Variants in CDH18 observed in about 807,000 individuals in gnomAD.
The protein encoded by CDH18 is cadherin 18, also known as cadherin-18.
In CDH18, 31 loss-of-function variants were observed where a neutral mutation model predicts 67.9. The observed-to-expected ratio is 0.46, with a 90% CI of 0.34 to 0.62. The LOEUF (loss-of-function observed/expected upper bound fraction) is 0.62. CDH18 is among the 20% of genes least tolerant of loss of function. CDH18 has a pLI of 0.01. For synonymous variants in CDH18, 362 were observed against 347.2 expected (o/e 1.04, Z -0.48); for missense variants, 890 against 975.5 (o/e 0.91, Z 1.17).
chr5:20,419,462 G>GT lies in CDH18; in HGVS notation c.-580+155999dup, dbSNP rs202130030. On this transcript the variant is annotated intron_variant, in intron 1 of 14. Coordinates refer to the CDH18 transcript ENST00000507958. ...CCAACCACCCAGGGTATGGGACTCT[G>GT]TTTTTTTTTTTTTTTTTTTTTTTTT... is the stretch of plus-strand genomic sequence containing the variant. Among the ~76,000 whole-genome samples the GT allele has an allele frequency of 4.5e-3, 342 of 75,600 alleles. 60 individuals carry two copies. Among genetic ancestry groups the GT allele is most frequent in the East Asian group, 0.022 (68 of 3,046 alleles). 49.6% of individuals were successfully genotyped at this position (75,600 alleles called of 152,430 possible). A position where few individuals can be genotyped will look rare whatever the true frequency, so the allele number is the denominator to read the frequency against.
At chr5:19,578,446 A>C (rs1312514062) in intron 7 of CDH18, among the ~76,000 whole-genome samples, 1 of 151,706 alleles carries the variant, frequency 6.6e-6, no homozygotes, top group Non-Finnish European at 1.5e-5. Context: ...CTTCATATTA[A>C]ATTTATTTGT....
chr5:19,588,866 G>A (rs1300959734), intron 7 of CDH18, among the ~76,000 whole-genome samples: 1 of 151,958 alleles, frequency 6.6e-6, no homozygotes, highest in Non-Finnish European at 1.5e-5. Flanking sequence ...AATGTATATG[G>A]ACTCAATACA....
chr5:20,428,410 T>C (rs1748482491), intron 1 of CDH18, among the ~76,000 whole-genome samples: 1 of 152,220 alleles, frequency 6.6e-6, no homozygotes, highest in Non-Finnish European at 1.5e-5. Context: ...AACATATATG[T>C]GCATAGGTCT....
At chr5:20,516,220 T>C (rs2126503341) in intron 1 of CDH18, among the ~76,000 whole-genome samples, 1 of 152,142 alleles carries the variant, frequency 6.6e-6, no homozygotes, top group South Asian at 2.1e-4. Flanking sequence ...GAATTTGCTG[T>C]AGAGAAATTC....
At chr5:19,967,379 T>G (rs1343295000) in intron 2 of CDH18, among the ~76,000 whole-genome samples, 1 of 152,102 alleles carries the variant, frequency 6.6e-6, no homozygotes, top group Non-Finnish European at 1.5e-5. Context: ...AGAATAGAAA[T>G]GATGATGAAA....
intron 3 of CDH18, among the ~76,000 whole-genome samples, chr5:19,779,366 A>G (rs1774821337): frequency 6.6e-6 from 1 of 152,198 alleles, no homozygotes; most frequent in Non-Finnish European, 1.5e-5. Context: ...GGAGACATTA[A>G]GAAAATTGAG....
intron 5 of CDH18, among the ~76,000 whole-genome samples, chr5:19,669,674 A>G (rs1758472452): frequency 6.6e-6 from 1 of 152,126 alleles, no homozygotes; most frequent in South Asian, 2.1e-4. Flanking sequence ...TCATTAATAG[A>G]TCTATCTTTA....
intron 2 of CDH18, among the ~76,000 whole-genome samples, chr5:19,958,191 C>A (rs570449019): frequency 6.6e-6 from 1 of 151,400 alleles, no homozygotes. Flanking sequence ...AATGGTAGAG[C>A]TTTGAGCACC....
At chr5:20,503,081 G>A (rs1754431845) in intron 1 of CDH18, among the ~76,000 whole-genome samples, 1 of 151,988 alleles carries the variant, frequency 6.6e-6, no homozygotes, top group South Asian at 2.1e-4. Context: ...CAAATAGACA[G>A]GTTTTTTAAA....
chr5:20,192,518 A>G (rs2126722381), intron 2 of CDH18, among the ~76,000 whole-genome samples: 1 of 152,146 alleles, frequency 6.6e-6, no homozygotes, highest in Non-Finnish European at 1.5e-5. Context: ...ATCTTTACTT[A>G]ATTTTTGAAT....
In CDH18 at chr5:19,962,299, C is replaced by A. The variant is rs368121336; in HGVS notation, c.-257+18761G>T. On this transcript the variant is annotated intron_variant, in intron 2 of 12. Coordinates refer to ENST00000382275, the MANE Select transcript of CDH18 (RefSeq NM_004934.5). ...ATTTGCTAATCAGATTTACTATTTA[C>A]AAACATTTAATAAATTAAATTGAAG... 6.9e-4 allele frequency among the ~76,000 whole-genome samples: 87 copies of A among 125,182 alleles called. No homozygotes were observed. The South Asian group carries it at 0.02, about 29-fold the overall frequency. 82.1% of individuals were successfully genotyped at this position (125,182 alleles called of 152,430 possible). A position where few individuals can be genotyped will look rare whatever the true frequency, so the allele number is the denominator to read the frequency against.
chr5:19,679,230 A>G lies in CDH18; in HGVS notation c.643+42117T>C, dbSNP rs1299442074. On this transcript the variant is annotated intron_variant, in intron 5 of 12. Transcript: ENST00000382275. ...CATGATCATCTCAATAGATGCAGAAAAGTCTTTTGATACACTTCAACACCC... is the reference window on the plus strand; with the variant it reads ...CATGATCATCTCAATAGATGCAGAAGAGTCTTTTGATACACTTCAACACCC... Among the ~76,000 whole-genome samples, 5 of 152,072 alleles carry G rather than the reference A, an allele frequency of 3.3e-5. No individual in the cohort carries two copies. In the East Asian group the frequency reaches 9.6e-4, roughly 29 times the overall value.
At position 20,355,012 on chromosome 5, in the gene CDH18, C is replaced by T. The variant is rs116668143; in HGVS notation, c.-579-99507G>A. 4.3e-3 allele frequency among the ~76,000 whole-genome samples: 656 copies of T among 152,284 alleles called. 10 individuals carry two copies. Among genetic ancestry groups the T allele is most frequent in the African/African-American group, 0.015 (619 of 41,556 alleles). On this transcript the variant is annotated intron_variant, in intron 1 of 14. Transcript: ENST00000507958. The stretch of plus-strand genomic sequence containing the variant: ...CGGGAAATGTTCTTCCAAAGGGTAC[C>T]TGCCTGATCACCTTGCTAGAATTTT...
At chr5:20,333,368 A>G (rs1042059855) in intron 1 of CDH18, among the ~76,000 whole-genome samples, 6 of 151,756 alleles carry the variant, frequency 4.0e-5, no homozygotes, top group Admixed American at 2.0e-4. Flanking sequence ...TTAGCTGGGC[A>G]TGGTGGCGCG....
At chr5:19,504,576 C>T (rs546356345) in intron 10 of CDH18, among the ~76,000 whole-genome samples, 63 of 151,962 alleles carry the variant, frequency 4.1e-4, no homozygotes, top group Non-Finnish European at 7.9e-4. Context: ...ACATTAGTTA[C>T]TTAATACAAA....
At chr5:19,994,732 TATATATAGAGAGAGAG>T (rs1479585860) in intron 2 of CDH18, among the ~76,000 whole-genome samples, 95 of 12,452 alleles carry the variant, frequency 7.6e-3, no homozygotes, top group Non-Finnish European at 0.01. Context: ...TATATATATA[TATATATAGAGAGAGAG>T]AGAGAGAGAG....
intron 1 of CDH18, among the ~76,000 whole-genome samples, chr5:20,552,366 A>G (rs1757678972): frequency 6.6e-6 from 1 of 152,128 alleles, no homozygotes; most frequent in Admixed American, 6.6e-5. Context: ...TATCCCAGCT[A>G]CTTGAGAGGC....
chr5:20,446,280 AG>A (rs1192456509), intron 1 of CDH18, among the ~76,000 whole-genome samples: 2 of 152,166 alleles, frequency 1.3e-5, no homozygotes, highest in Non-Finnish European at 2.9e-5. Flanking sequence ...GAGTAGAGTC[AG>A]GGCAGTCTTG....
At chr5:19,896,927 T>C (rs1429751243) in intron 2 of CDH18, among the ~76,000 whole-genome samples, 1 of 152,144 alleles carries the variant, frequency 6.6e-6, no homozygotes, top group South Asian at 2.1e-4. Context: ...TGTGAATCTA[T>C]ACTTATCTCA....
Sources: allele counts gnomAD v4.1 joint callset (sites outside exome capture counted in the v4.1 genomes callset), GRCh38; gene constraint gnomAD v4.1.1; transcripts MANE v1.5; gene names NCBI Gene and HGNC (gene_info 2026-07-23, HGNC 2026-07-21).